The following SORCS2 variants were observed in gnomAD, a reference collection of about 807,000 sequenced individuals.
SORCS2 encodes sortilin related VPS10 domain containing receptor 2.
In SORCS2, 100 loss-of-function variants were observed where a neutral mutation model predicts 141.6. The observed-to-expected ratio is 0.71, with a 90% CI of 0.60 to 0.83. The LOEUF is 0.83. Ranked by LOEUF, SORCS2 falls within the 40% of genes least tolerant of loss-of-function variation. The probability of loss-of-function intolerance (pLI) is 0.00; values close to 1 mark genes in which losing one functional copy is unlikely to be tolerated. For synonymous variants in SORCS2, 789 were observed against 676.9 expected (o/e 1.17, Z -2.57); for missense variants, 1,646 against 1,560.2 (o/e 1.05, Z -0.93).
intron 1 of SORCS2, among the ~76,000 whole-genome samples, chr4:7,273,991 C>T (rs3846418): frequency 0.084 from 12,797 of 152,258 alleles, 780 homozygotes; most frequent in East Asian, 0.2. Flanking sequence ...AGAGCCCTCC[C>T]TCTGCCTCGT....
intron 2 of SORCS2, among the ~76,000 whole-genome samples, chr4:7,485,774 G>C (rs781655174): frequency 5.3e-5 from 8 of 152,198 alleles, no homozygotes; most frequent in Non-Finnish European, 2.9e-5. Flanking sequence ...GGGCCCAGGG[G>C]AGCCCGATGA....
Position 7,433,571 on chromosome 4 carries a change from G to A in SORCS2, c.548+37216G>A, listed in dbSNP as rs188857502. 3.4e-5 allele frequency: 55 copies of A among 1,611,736 alleles called. No homozygotes were observed. In the East Asian group the frequency reaches 6.7e-4, roughly 20 times the overall value. On this transcript the variant is annotated intron_variant, in intron 2 of 26. Coordinates refer to ENST00000507866, the MANE Select transcript of SORCS2 (RefSeq NM_020777.3). ...TACTGGGTGACGAAGTGCTTGCACTGGATCATATAGGGCAGCGGCAGGATG... is the reference window on the plus strand; with the variant it reads ...TACTGGGTGACGAAGTGCTTGCACTAGATCATATAGGGCAGCGGCAGGATG...
intron 2 of SORCS2, among the ~76,000 whole-genome samples, chr4:7,424,793 A>G (rs1726312854): frequency 2.0e-5 from 3 of 152,180 alleles, no homozygotes. Context: ...CCTTCAGCAC[A>G]CACAGGCCCC....
chr4:7,550,124 A>ATGTG (rs1446623939), intron 3 of SORCS2, among the ~76,000 whole-genome samples: 1,245 of 70,170 alleles, frequency 0.018, 8 homozygotes, highest in Middle Eastern at 0.057. Flanking sequence ...GTGTGTGTGT[A>ATGTG]TGTGTGTATG....
rs574902263 is a variant in SORCS2 at position 7,567,243 on chromosome 4, C to T, written c.648+35614C>T. Among the ~76,000 whole-genome samples the T allele has an allele frequency of 1.5e-3, 222 of 152,216 alleles. 1 individual carries two copies. The highest frequency in any genetic ancestry group is 5.1e-3 in the African/African-American group (211 of 41,502). ...CATGACTAAGGAACCAATATGGATG[C>T]GTTAATGTTACAAGTGCAAACTGTA... On this transcript the variant is annotated intron_variant, in intron 3 of 26. Coordinates refer to ENST00000507866, the MANE Select transcript of SORCS2 (RefSeq NM_020777.3).
chr4:7,602,164 G>A (rs896314917), intron 3 of SORCS2, among the ~76,000 whole-genome samples: 15 of 152,226 alleles, frequency 9.9e-5, no homozygotes, highest in African/African-American at 3.1e-4. Flanking sequence ...ATCATGGCCC[G>A]TTCTCAATGG....
intron 2 of SORCS2, among the ~76,000 whole-genome samples, chr4:7,405,170 G>A (rs1164458575): frequency 2.6e-5 from 4 of 151,994 alleles, no homozygotes; most frequent in African/African-American, 7.2e-5. Flanking sequence ...CTGTAAATAC[G>A]TGGCTTTATT....
chr4:7,635,570 C>T (rs4689148), intron 3 of SORCS2, among the ~76,000 whole-genome samples: 92,733 of 152,022 alleles, frequency 0.61, 28,662 homozygotes, highest in East Asian at 0.95. Flanking sequence ...GCCGTGTCAG[C>T]GTGGTATGTA....
intron 2 of SORCS2, among the ~76,000 whole-genome samples, chr4:7,438,541 T>G (rs1478515916): frequency 6.6e-6 from 1 of 152,262 alleles, no homozygotes; most frequent in Non-Finnish European, 1.5e-5. Context: ...TTTCTAGCTC[T>G]GTCTTCCTTC....
At chr4:7,373,739 GC>G (rs1342550302) in intron 1 of SORCS2, among the ~76,000 whole-genome samples, 5 of 151,376 alleles carry the variant, frequency 3.3e-5, no homozygotes, top group African/African-American at 1.2e-4. Flanking sequence ...TGATCCACCC[GC>G]CTCGGCCTCC....
intron 1 of SORCS2, among the ~76,000 whole-genome samples, chr4:7,314,059 GC>G (rs1399886336): frequency 1.3e-5 from 2 of 152,216 alleles, no homozygotes; most frequent in Non-Finnish European, 2.9e-5. Flanking sequence ...AGAGGCTGGA[GC>G]CCCCAGATCC....
intron 1 of SORCS2, among the ~76,000 whole-genome samples, chr4:7,294,454 A>G (rs1474255372): frequency 3.3e-5 from 5 of 151,900 alleles, no homozygotes; most frequent in Admixed American, 6.5e-5. Flanking sequence ...GCAGACCTTC[A>G]GATCATCAGA....
chr4:7,456,478 G>GA lies in SORCS2; in HGVS notation c.548+60124dup, dbSNP rs879260377. 4.5e-3 allele frequency among the ~76,000 whole-genome samples: 662 copies of GA among 148,216 alleles called. 2 individuals carry two copies. The highest frequency in any genetic ancestry group is 7.7e-3 in the Non-Finnish European group (521 of 67,668). On this transcript the variant is annotated intron_variant, in intron 2 of 26. Coordinates refer to ENST00000507866, the MANE Select transcript of SORCS2 (RefSeq NM_020777.3). Reference sequence around the variant, plus strand: ...TCCCACCCATAAGCCTGAAGGGTGAGAGGGGGGGGGCCTCCTTTTGAGGAC... The same window carrying GA: ...TCCCACCCATAAGCCTGAAGGGTGAGAAGGGGGGGGGCCTCCTTTTGAGGAC...
At chr4:7,239,358 A>G (rs535950566) in intron 1 of SORCS2, among the ~76,000 whole-genome samples, 86 of 152,364 alleles carry the variant, frequency 5.6e-4, no homozygotes, top group Non-Finnish European at 9.6e-4. Flanking sequence ...TGCCAGGAGC[A>G]GCTCCCCTGC....
intron 3 of SORCS2, among the ~76,000 whole-genome samples, chr4:7,593,236 G>C (rs189378293): frequency 6.6e-6 from 1 of 152,118 alleles, no homozygotes; most frequent in Non-Finnish European, 1.5e-5. Context: ...GTGGAGCCTC[G>C]GGAGTCCCAG....
intron 1 of SORCS2, among the ~76,000 whole-genome samples, chr4:7,211,981 T>C (rs1255039356): frequency 1.3e-5 from 2 of 152,242 alleles, no homozygotes; most frequent in Non-Finnish European, 2.9e-5. Context: ...CTATCAGGAA[T>C]GTTCCCAGTC....
rs182857803 is a variant in SORCS2, at chr4:7,290,907, G to C, written c.480+97781G>C. Among the ~76,000 whole-genome samples, 41 of 152,320 alleles carry C rather than the reference G, an allele frequency of 2.7e-4. No homozygotes were observed. The East Asian group carries it at 7.0e-3, about 26-fold the overall frequency. On this transcript the variant is annotated intron_variant, in intron 1 of 26. Coordinates refer to ENST00000507866, the MANE Select transcript of SORCS2 (RefSeq NM_020777.3). ...AGCAGACATAGTCCCTGGCTGGCTG[G>C]CTGGGGAAGCTGTAGTTAAAGAATG...
At chr4:7,340,363 T>C (rs1468804095) in intron 1 of SORCS2, among the ~76,000 whole-genome samples, 6 of 152,220 alleles carry the variant, frequency 3.9e-5, no homozygotes, top group African/African-American at 1.4e-4. Flanking sequence ...AGATGTTTGC[T>C]GCTAAAACCA....
chr4:7,313,043 T>C (rs1441785501), intron 1 of SORCS2, among the ~76,000 whole-genome samples: 4 of 152,222 alleles, frequency 2.6e-5, no homozygotes, highest in Non-Finnish European at 4.4e-5. Context: ...CTGGGGGTCC[T>C]CTAGGACCCC....
Sources: allele counts gnomAD v4.1 joint callset (sites outside exome capture counted in the v4.1 genomes callset), GRCh38; gene constraint gnomAD v4.1.1; transcripts MANE v1.5; gene names NCBI Gene and HGNC (gene_info 2026-07-23, HGNC 2026-07-21).